Variants in SIMC1 observed in about 807,000 individuals in gnomAD.
The protein encoded by SIMC1 is SUMO interacting motifs containing 1.
Under a neutral mutation model 82.3 loss-of-function variants are expected in SIMC1, and 55 were observed. That is an observed-to-expected ratio of 0.67 (90% CI 0.54 to 0.84). SIMC1 has a LOEUF of 0.84. Among genes scored for constraint, SIMC1 ranks in the 40% least tolerant of loss-of-function variants. The pLI is 0.00. For synonymous variants in SIMC1, 353 were observed against 426.3 expected, an observed-to-expected ratio of 0.83 and a Z score of 2.12; for missense variants, 915 against 1,107.2, an observed-to-expected ratio of 0.83 and a Z score of 2.46.
intron 1 of SIMC1, among the ~76,000 whole-genome samples, chr5:176,283,840 C>T (rs1038715829): frequency 5.3e-5 from 8 of 151,898 alleles, no homozygotes; most frequent in Non-Finnish European, 4.4e-5. Context: ...ATCTACCAAG[C>T]AAATGGAAAA....
At position 176,337,008 on chromosome 5, in the gene SIMC1, A is replaced by G; in HGVS notation, c.2329-54A>G. 4.4e-6 allele frequency: 7 copies of G among 1,606,500 alleles called. No homozygotes were observed. In the African/African-American group the frequency reaches 5.4e-5, roughly 12 times the overall value. On this transcript the variant is annotated intron_variant, in intron 8 of 9. Transcript: ENST00000429602. ...GTAAAGGTGAATTGAAAACTGTACAAAAATTTTAACTGGGGAAGGCATTTA... is the reference window on the plus strand; with the variant it reads ...GTAAAGGTGAATTGAAAACTGTACAGAAATTTTAACTGGGGAAGGCATTTA...
At chr5:176,288,423 G>GAATGAATGAATGAATAAATA (rs1554109230) in intron 1 of SIMC1, among the ~76,000 whole-genome samples, 5 of 126,738 alleles carry the variant, frequency 3.9e-5, no homozygotes, top group African/African-American at 1.4e-4. Context: ...ATGAATGAAT[G>GAATGAATGAATGAATAAATA]AATAAATAAA....
intron 4 of SIMC1, among the ~76,000 whole-genome samples, chr5:176,309,785 T>A (rs893705339): frequency 7.9e-5 from 12 of 152,134 alleles, no homozygotes; most frequent in South Asian, 4.1e-4. Context: ...AAAATTTTTT[T>A]AAAAAATTAG....
intron 1 of SIMC1, among the ~76,000 whole-genome samples, chr5:176,244,719 CTTT>C (rs1177032281): frequency 3.5e-5 from 4 of 114,494 alleles, no homozygotes; most frequent in Non-Finnish European, 5.4e-5. Context: ...TTTTTTTTTC[CTTT>C]TTTTTTTTTT....
At chr5:176,244,575 G>A (rs1323917486) in intron 1 of SIMC1, among the ~76,000 whole-genome samples, 3 of 152,048 alleles carry the variant, frequency 2.0e-5, no homozygotes, top group Admixed American at 2.0e-4. Flanking sequence ...TGAGGTTGGA[G>A]ATAAAGGAGT....
intron 2 of SIMC1, among the ~76,000 whole-genome samples, chr5:176,294,517 AGTTCT>A (rs1763716054): frequency 6.6e-6 from 1 of 151,176 alleles, no homozygotes; most frequent in East Asian, 1.9e-4. Context: ...GACCTCAAGC[AGTTCT>A]CCTGCCTTGG....
chr5:176,334,696 C>G lies in SIMC1; in HGVS notation c.2172-2024C>G, dbSNP rs577513567. 2.0e-5 allele frequency among the ~76,000 whole-genome samples: 3 copies of G among 152,324 alleles called. No individual in the cohort carries two copies. The South Asian group carries it at 6.2e-4, about 32-fold the overall frequency. On this transcript the variant is annotated intron_variant, in intron 7 of 9. Coordinates refer to ENST00000429602, the MANE Select transcript of SIMC1 (RefSeq NM_001308195.2). ...TTTGTCTGCCCAAGAAGCCCCCTCT[C>G]TTCTATTTTAGACCCACACCTTCCT...
At position 176,290,364 on chromosome 5, in the gene SIMC1, A is replaced by G; in HGVS notation, c.840A>G (p.Gln280=). 2 of 1,613,990 alleles carry G rather than the reference A, an allele frequency of 1.2e-6. No homozygotes were observed. Among genetic ancestry groups the G allele is most frequent in the South Asian group, 1.1e-5 (1 of 91,064 alleles). ...CPRQNIPGPP[Q]DSLGLPQDVP... The stretch of plus-strand genomic sequence containing the variant: ...GGCAGAATATCCCAGGCCCACCTCA[A>G]GACTCTCTGGGCCTACCTCAAGATG... The change falls in exon 2 of 10, where the codon CAA becomes CAG. Residue 280 remains glutamine (Q), a synonymous_variant. Coordinates refer to ENST00000429602, the MANE Select transcript of SIMC1 (RefSeq NM_001308195.2).
chr5:176,323,945 G>T (rs971821806), intron 6 of SIMC1, among the ~76,000 whole-genome samples: 5 of 148,034 alleles, frequency 3.4e-5, no homozygotes, highest in African/African-American at 1.3e-4. Context: ...CCAAGATCGC[G>T]CCACAGCACT....
chr5:176,309,779 T>A (rs532946688), intron 4 of SIMC1, among the ~76,000 whole-genome samples: 9 of 152,054 alleles, frequency 5.9e-5, no homozygotes, highest in East Asian at 5.8e-4. Context: ...TACAAAAAAA[T>A]TTTTTTAAAA....
At chr5:176,331,857 T>C (rs185981469) in intron 7 of SIMC1, among the ~76,000 whole-genome samples, 6,132 of 151,766 alleles carry the variant, frequency 0.04, 186 homozygotes, top group Middle Eastern at 0.071. Flanking sequence ...TAATCTCAGC[T>C]ACTCAGGAGG....
intron 4 of SIMC1, among the ~76,000 whole-genome samples, chr5:176,305,539 C>T: frequency 7.3e-6 from 1 of 137,898 alleles, no homozygotes; most frequent in South Asian, 2.3e-4. Flanking sequence ...GTGGGGGGGT[C>T]AGCCCCCCGC....
intron 4 of SIMC1, among the ~76,000 whole-genome samples, chr5:176,307,591 G>A (rs1201822724): frequency 2.0e-5 from 3 of 151,902 alleles, no homozygotes; most frequent in East Asian, 1.9e-4. Flanking sequence ...TAGTAGAGAC[G>A]GGGTTTCACT....
Position 176,285,586 on chromosome 5 carries a change from G to A in SIMC1, c.130-4068G>A, listed in dbSNP as rs1199773450. Reference sequence around the variant, plus strand: ...CCTTTGAAAACTGGCACAAGACAGGGATGCCCTCTCTCACCACTCCTATTC... The same window carrying A: ...CCTTTGAAAACTGGCACAAGACAGGAATGCCCTCTCTCACCACTCCTATTC... On this transcript the variant is annotated intron_variant, in intron 1 of 9. Coordinates refer to ENST00000429602, the MANE Select transcript of SIMC1 (RefSeq NM_001308195.2). Among the ~76,000 whole-genome samples, 24 of 151,956 alleles carry A rather than the reference G, an allele frequency of 1.6e-4. No homozygotes were observed. The East Asian group carries it at 4.3e-3, about 27-fold the overall frequency.
At chr5:176,277,791 C>T (rs1762783282) in intron 1 of SIMC1, among the ~76,000 whole-genome samples, 1 of 151,732 alleles carries the variant, frequency 6.6e-6, no homozygotes, top group African/African-American at 2.4e-5. Context: ...GGGCTCTGTT[C>T]TGTTCCATTG....
chr5:176,332,683 ATATTG>A (rs1561731603), intron 7 of SIMC1, among the ~76,000 whole-genome samples: 2 of 152,240 alleles, frequency 1.3e-5, no homozygotes, highest in East Asian at 3.9e-4. Context: ...TATTAGATAA[ATATTG>A]TATTCAATAT....
At chr5:176,292,715 A>G (rs1763638890) in intron 2 of SIMC1, among the ~76,000 whole-genome samples, 1 of 151,936 alleles carries the variant, frequency 6.6e-6, no homozygotes, top group African/African-American at 2.4e-5. Flanking sequence ...GGCTTTTTGT[A>G]CTTTTAGTAG....
At chr5:176,296,574 C>A in intron 4 of SIMC1, 2 of 491,580 alleles carry the variant, frequency 4.1e-6, no homozygotes, top group Non-Finnish European at 3.7e-6. Context: ...AAGGCTGAGG[C>A]AGGAGGATTG....
chr5:176,247,122 C>T (rs1274937382), intron 1 of SIMC1, among the ~76,000 whole-genome samples: 1 of 151,918 alleles, frequency 6.6e-6, no homozygotes, highest in Admixed American at 6.6e-5. Flanking sequence ...GGGTATATAC[C>T]CAGTAATGGG....
Sources: gnomAD v4.1 joint callset for allele counts (sites outside exome capture counted in the v4.1 genomes callset) on GRCh38, gnomAD v4.1.1 for gene constraint, MANE v1.5 for transcripts, NCBI Gene and HGNC (gene_info 2026-07-23, HGNC 2026-07-21) for gene names.